Variants in IL1RAPL2 observed in about 807,000 individuals in gnomAD.
IL1RAPL2 encodes the protein interleukin 1 receptor accessory protein like 2, also known as X-linked interleukin-1 receptor accessory protein-like 2.
IL1RAPL2 carries 3 observed loss-of-function variants against 44.1 expected under a neutral mutation model. The observed-to-expected ratio is 0.07, with a 90% CI of 0.03 to 0.18. IL1RAPL2 has a LOEUF of 0.18. Among genes scored for constraint, IL1RAPL2 ranks in the 10% least tolerant of loss-of-function variants. The probability of loss-of-function intolerance (pLI) is 1.00; values close to 1 mark genes in which losing one functional copy is unlikely to be tolerated. For synonymous variants in IL1RAPL2, 181 were observed against 178.8 expected (o/e 1.01, Z -0.10); for missense variants, 391 against 496.4 (o/e 0.79, Z 2.02).
chrX:105,523,808 C>T (rs1454272300), intron 6 of IL1RAPL2, among the ~76,000 whole-genome samples: 4 of 110,545 alleles, frequency 3.6e-5, no homozygotes, highest in Non-Finnish European at 7.6e-5. Context: ...AAAAAATGAT[C>T]AGCCTAATTG....
At chrX:105,498,374 C>T (rs1466661042) in intron 6 of IL1RAPL2, among the ~76,000 whole-genome samples, 1 of 111,619 alleles carries the variant, frequency 9.0e-6, no homozygotes, top group Non-Finnish European at 1.9e-5. Context: ...AACCACAAAA[C>T]ATTGCTGAGA....
chrX:105,476,167 G>A (rs1410767607), intron 5 of IL1RAPL2, among the ~76,000 whole-genome samples: 2 of 112,849 alleles, frequency 1.8e-5, no homozygotes, highest in African/African-American at 6.4e-5. Context: ...CTGACTTTAA[G>A]TTCTATGCTA....
At chrX:104,619,064 C>A (rs1929334223) in intron 1 of IL1RAPL2, among the ~76,000 whole-genome samples, 1 of 111,865 alleles carries the variant, frequency 8.9e-6, no homozygotes, top group South Asian at 3.8e-4. Flanking sequence ...TCTCCTCCTG[C>A]CTGAGGCTTG....
intron 2 of IL1RAPL2, among the ~76,000 whole-genome samples, chrX:105,022,318 T>C (rs1256213046): frequency 2.7e-5 from 3 of 111,343 alleles, no homozygotes; most frequent in Non-Finnish European, 5.7e-5. Flanking sequence ...AATTCTCTTA[T>C]TCTCATTTTG....
intron 2 of IL1RAPL2, among the ~76,000 whole-genome samples, chrX:104,821,859 C>T (rs1346500951): frequency 8.9e-6 from 1 of 111,965 alleles, no homozygotes; most frequent in African/African-American, 3.3e-5. Context: ...GCACTCCCAC[C>T]AACAGTGTAA....
At chrX:104,647,360 G>A in intron 1 of IL1RAPL2, 1 of 512,055 alleles carries the variant, frequency 2.0e-6, no homozygotes, top group South Asian at 2.4e-5. Flanking sequence ...GTCACCCTCA[G>A]CAGAGATGAT....
chrX:104,774,101 G>T (rs1932682571), intron 2 of IL1RAPL2, among the ~76,000 whole-genome samples: 1 of 111,846 alleles, frequency 8.9e-6, no homozygotes, highest in Admixed American at 9.5e-5. Flanking sequence ...TTTCACGTTT[G>T]TTTAGTGATG....
At chrX:104,647,656 A>C in intron 1 of IL1RAPL2, 1 of 546,992 alleles carries the variant, frequency 1.8e-6, no homozygotes, top group East Asian at 3.3e-5. Context: ...GCACACGCTC[A>C]TCATAGTCCT....
At chrX:104,641,864 C>A (rs886189722) in intron 1 of IL1RAPL2, among the ~76,000 whole-genome samples, 1 of 111,656 alleles carries the variant, frequency 9.0e-6, no homozygotes, top group African/African-American at 3.3e-5. Context: ...GGACTGTGTT[C>A]ATTCTGCCAA....
chrX:105,706,385 A>G lies in IL1RAPL2; in HGVS notation c.773-10982A>G, dbSNP rs188583018. On this transcript the variant is annotated intron_variant, in intron 6 of 10. Transcript: ENST00000372582. ...CCTTATTAGCTTTATCCCATACTGG[A>G]AAATGATTGGGCATTATTTGATGAG... Among the ~76,000 whole-genome samples, 243 of 112,259 alleles carry G rather than the reference A, an allele frequency of 2.2e-3. 3 individuals carry two copies. Among genetic ancestry groups the G allele is most frequent in the African/African-American group, 7.6e-3 (235 of 30,984 alleles).
chrX:104,675,575 G>C (rs1437493275), intron 2 of IL1RAPL2, among the ~76,000 whole-genome samples: 1 of 111,250 alleles, frequency 9.0e-6, no homozygotes, highest in Non-Finnish European at 1.9e-5. Context: ...TGTATATTCT[G>C]TTTATTTGGG....
At chrX:104,686,452 A>G (rs1333554015) in intron 2 of IL1RAPL2, among the ~76,000 whole-genome samples, 1 of 111,930 alleles carries the variant, frequency 8.9e-6, no homozygotes, top group Non-Finnish European at 1.9e-5. Flanking sequence ...AGGGCATCCT[A>G]TTAAAAAAAT....
chrX:104,660,291 A>T (rs1179004393), intron 2 of IL1RAPL2, among the ~76,000 whole-genome samples: 1 of 110,453 alleles, frequency 9.1e-6, no homozygotes, highest in Non-Finnish European at 1.9e-5. Context: ...GCTGAAATAA[A>T]ATATTTAGAG....
At position 105,632,026 on chromosome X, in the gene IL1RAPL2, T is replaced by C. The variant is rs78147613; in HGVS notation, c.773-85341T>C. On this transcript the variant is annotated intron_variant, in intron 6 of 10. Transcript: ENST00000372582. ...ATACAATCTTTCCTTTGTCTTCCCT[T>C]ACTCTCCCCAGTCCTCTCTTATTCC... is the stretch of plus-strand genomic sequence containing the variant. Among the ~76,000 whole-genome samples, 12 of 110,765 alleles carry C rather than the reference T, an allele frequency of 1.1e-4. No homozygotes were observed. In the East Asian group the frequency reaches 1.2e-3, roughly 11 times the overall value.
intron 2 of IL1RAPL2, among the ~76,000 whole-genome samples, chrX:104,898,268 A>G (rs1317944859): frequency 9.0e-6 from 1 of 111,676 alleles, no homozygotes; most frequent in Non-Finnish European, 1.9e-5. Flanking sequence ...ATCTGGAAAG[A>G]CAAGTACAGG....
intron 1 of IL1RAPL2, among the ~76,000 whole-genome samples, chrX:104,637,857 G>A (rs1294944949): frequency 9.1e-6 from 1 of 109,299 alleles, no homozygotes; most frequent in African/African-American, 3.3e-5. Context: ...TATGGTTTTG[G>A]TATCAGAGTA....
At chrX:104,974,636 C>G (rs1015275746) in intron 2 of IL1RAPL2, among the ~76,000 whole-genome samples, 1 of 112,123 alleles carries the variant, frequency 8.9e-6, no homozygotes, top group Non-Finnish European at 1.9e-5. Flanking sequence ...GGGGGAACTG[C>G]AGTGCTCAGG....
intron 2 of IL1RAPL2, among the ~76,000 whole-genome samples, chrX:104,815,691 T>C (rs1046708847): frequency 1.3e-4 from 14 of 111,652 alleles, no homozygotes; most frequent in Admixed American, 8.6e-4. Context: ...ATTTAAGACA[T>C]AGTATAAGAT....
At chrX:105,728,385 A>T (rs757940750) in intron 7 of IL1RAPL2, among the ~76,000 whole-genome samples, 3 of 111,628 alleles carry the variant, frequency 2.7e-5, no homozygotes, top group Non-Finnish European at 1.9e-5. Context: ...CATTTATTCA[A>T]TGTGCCTTTA....
Sources: allele counts gnomAD v4.1 joint callset (sites outside exome capture counted in the v4.1 genomes callset), GRCh38; gene constraint gnomAD v4.1.1; transcripts MANE v1.5; gene names NCBI Gene and HGNC (gene_info 2026-07-23, HGNC 2026-07-21).